Variants in MGAT5 observed in about 807,000 individuals in gnomAD.
MGAT5 encodes alpha-1,6-mannosylglycoprotein 6-beta-N-acetylglucosaminyltransferase A.
In MGAT5, 30 loss-of-function variants were observed where a neutral mutation model predicts 94.3. That is an observed-to-expected ratio of 0.32 (90% CI 0.24 to 0.43). MGAT5 has a LOEUF of 0.43. MGAT5 is among the 20% of genes least tolerant of loss of function. The probability of loss-of-function intolerance (pLI) is 1.00; values close to 1 mark genes in which losing one functional copy is unlikely to be tolerated. For missense variants in MGAT5, 691 were observed against 905.5 expected, an observed-to-expected ratio of 0.76 and a Z score of 3.04; for synonymous variants, 310 against 322.9, an observed-to-expected ratio of 0.96 and a Z score of 0.43.
rs144312655 is a variant in MGAT5 at position 134,272,719 on chromosome 2, T to G, written c.406+2169T>G. ...AAGGGTTTTCACAGGTTTTGTTGAGTTTAAGTACTTGGGAGTGGGTGACTG... is the reference window on the plus strand; with the variant it reads ...AAGGGTTTTCACAGGTTTTGTTGAGGTTAAGTACTTGGGAGTGGGTGACTG... On this transcript the variant is annotated intron_variant, in intron 2 of 15. Coordinates refer to ENST00000281923, the MANE Select transcript of MGAT5 (RefSeq NM_002410.5). Among the ~76,000 whole-genome samples the G allele has an allele frequency of 4.0e-3, 606 of 152,288 alleles. 4 individuals carry two copies. The highest frequency in any genetic ancestry group is 0.014 in the African/African-American group (580 of 41,548).
chr2:134,190,677 C>T (rs375325591), intron 1 of MGAT5, among the ~76,000 whole-genome samples: 9 of 152,260 alleles, frequency 5.9e-5, no homozygotes, highest in African/African-American at 1.9e-4. Flanking sequence ...CAGACAGTCT[C>T]TCTTTGCCCA....
chr2:134,296,578 C>T (rs1685686718), intron 2 of MGAT5, among the ~76,000 whole-genome samples: 1 of 151,994 alleles, frequency 6.6e-6, no homozygotes, highest in Admixed American at 6.6e-5. Context: ...AAACCACTTT[C>T]CTTAGTCTTA....
intron 10 of MGAT5, among the ~76,000 whole-genome samples, chr2:134,369,665 AGAG>A (rs1398490601): frequency 6.6e-6 from 1 of 151,628 alleles, no homozygotes; most frequent in African/African-American, 2.4e-5. Flanking sequence ...TAGGGAGGGG[AGAG>A]GAGGAGAGAT....
At chr2:134,344,887 G>C (rs1199054457) in intron 7 of MGAT5, 43 bp from the exon 8 acceptor site, 1 of 1,601,250 alleles carries the variant, frequency 6.2e-7, no homozygotes, top group Admixed American at 1.7e-5. Context: ...TTAAGTAAAT[G>C]ATTTTTCTCT....
At chr2:134,404,054 G>A (rs78879795) in intron 11 of MGAT5, among the ~76,000 whole-genome samples, 2,344 of 152,310 alleles carry the variant, frequency 0.015, 72 homozygotes, top group African/African-American at 0.053. Context: ...TGGCATTTCA[G>A]TGTATTAGAT....
chr2:134,165,973 C>G (rs749543527), intron 1 of MGAT5, among the ~76,000 whole-genome samples: 22 of 152,144 alleles, frequency 1.4e-4, no homozygotes, highest in Non-Finnish European at 2.4e-4. Flanking sequence ...AGAGGTACAG[C>G]TATGTTTGAT....
intron 1 of MGAT5, among the ~76,000 whole-genome samples, chr2:134,224,482 T>TA (rs913335405): frequency 1.3e-5 from 2 of 152,198 alleles, no homozygotes; most frequent in Non-Finnish European, 2.9e-5. Flanking sequence ...AGCTTTTACT[T>TA]AAACACTGTG....
At chr2:134,129,178 C>T (rs1685999073) in intron 1 of MGAT5, among the ~76,000 whole-genome samples, 1 of 152,170 alleles carries the variant, frequency 6.6e-6, no homozygotes, top group Non-Finnish European at 1.5e-5. Flanking sequence ...GGTCTCCTTG[C>T]CTTTTCTAGC....
chr2:134,293,252 A>G (rs1217461751), intron 2 of MGAT5, among the ~76,000 whole-genome samples: 1 of 152,190 alleles, frequency 6.6e-6, no homozygotes, highest in African/African-American at 2.4e-5. Context: ...TTAAATTGGA[A>G]ATGAATACAT....
chr2:134,126,443 G>C (rs1209321585), intron 1 of MGAT5, among the ~76,000 whole-genome samples: 1 of 152,196 alleles, frequency 6.6e-6, no homozygotes, highest in Non-Finnish European at 1.5e-5. Context: ...CAAAAGGCTT[G>C]TAACATAAAT....
chr2:134,248,264 A>G (rs1192679704), intron 1 of MGAT5, among the ~76,000 whole-genome samples: 1 of 152,148 alleles, frequency 6.6e-6, no homozygotes, highest in Non-Finnish European at 1.5e-5. Flanking sequence ...CCATCTAGCA[A>G]ATACTTAATG....
intron 2 of MGAT5, among the ~76,000 whole-genome samples, chr2:134,312,560 G>A (rs1184673141): frequency 2.0e-5 from 3 of 152,128 alleles, no homozygotes; most frequent in Non-Finnish European, 2.9e-5. Flanking sequence ...TGTTCCTTCC[G>A]TTATTAAACA....
chr2:134,310,533 A>G (rs1439316045), intron 2 of MGAT5, among the ~76,000 whole-genome samples: 3 of 152,190 alleles, frequency 2.0e-5, no homozygotes, highest in Non-Finnish European at 4.4e-5. Flanking sequence ...AATGATATAT[A>G]AACAAGTATT....
chr2:134,360,726 G>A (rs186159991), intron 9 of MGAT5, among the ~76,000 whole-genome samples: 1 of 152,184 alleles, frequency 6.6e-6, no homozygotes. Context: ...CTTCTCAAAA[G>A]GGGGGAGAAA....
chr2:134,195,983 C>G (rs1007787740), intron 1 of MGAT5, among the ~76,000 whole-genome samples: 2 of 152,066 alleles, frequency 1.3e-5, no homozygotes, highest in Admixed American at 1.3e-4. Flanking sequence ...TCTAGAAAAC[C>G]CCATTCCAAA....
chr2:134,167,091 A>G (rs1228908747), intron 1 of MGAT5, among the ~76,000 whole-genome samples: 1 of 152,234 alleles, frequency 6.6e-6, no homozygotes, highest in East Asian at 1.9e-4. Context: ...ATAAGTCTCT[A>G]TTACAACATT....
At chr2:134,150,941 A>G (rs1687137639) in intron 1 of MGAT5, among the ~76,000 whole-genome samples, 1 of 152,196 alleles carries the variant, frequency 6.6e-6, no homozygotes, top group East Asian at 1.9e-4. Flanking sequence ...AGAGAGGATC[A>G]GAAGTCTGAA....
rs1686203951 is a variant in MGAT5, at chr2:134,453,469, A to T, written c.*4622A>T. ...GAACATTTTTGAGCTAGAAATTAAA[A>T]TGGGTTCTCTGGCAGACTGCACCCC... On this transcript the variant is annotated 3_prime_UTR_variant, in exon 16 of 16. Coordinates refer to ENST00000281923, the MANE Select transcript of MGAT5 (RefSeq NM_002410.5). The T allele has an allele frequency of 6.6e-6, 1 of 152,236 alleles. No homozygotes were observed. The highest frequency in any genetic ancestry group is 6.5e-5 in the Admixed American group (1 of 15,286). The allele number at this position is 152,236 out of a possible 1,614,324, so 9.4% of individuals were successfully genotyped here.
chr2:134,386,013 C>A (rs998762848), intron 10 of MGAT5, among the ~76,000 whole-genome samples: 3 of 152,120 alleles, frequency 2.0e-5, no homozygotes, highest in African/African-American at 7.2e-5. Context: ...TAAGAAGCAC[C>A]TTGTTATCCG....
Sources: allele counts gnomAD v4.1 joint callset (sites outside exome capture counted in the v4.1 genomes callset), GRCh38; gene constraint gnomAD v4.1.1; transcripts MANE v1.5; gene names NCBI Gene and HGNC (gene_info 2026-07-23, HGNC 2026-07-21).